Variants in MACROD2 observed in about 807,000 individuals in gnomAD.
The protein encoded by MACROD2 is ADP-ribose glycohydrolase MACROD2.
Under a neutral mutation model 70.4 loss-of-function variants are expected in MACROD2, and 36 were observed. That is an observed-to-expected ratio of 0.51 (90% CI 0.39 to 0.68). The LOEUF is 0.68. Among genes scored for constraint, MACROD2 ranks in the 30% least tolerant of loss-of-function variants. The pLI is 0.00. For synonymous variants in MACROD2, 172 were observed against 178.8 expected, an observed-to-expected ratio of 0.96 and a Z score of 0.30; for missense variants, 496 against 538.4, an observed-to-expected ratio of 0.92 and a Z score of 0.78.
intron 3 of MACROD2, among the ~76,000 whole-genome samples, chr20:14,192,802 G>C (rs943464315): frequency 6.6e-6 from 1 of 152,170 alleles, no homozygotes; most frequent in Non-Finnish European, 1.5e-5. Context: ...TTACTGGACT[G>C]GGAACTTGTG....
At chr20:14,666,727 A>G (rs1301955241) in intron 4 of MACROD2, among the ~76,000 whole-genome samples, 2 of 151,840 alleles carry the variant, frequency 1.3e-5, no homozygotes, top group African/African-American at 4.8e-5. Context: ...CTAGATACCA[A>G]TTACTAAAGT....
chr20:14,263,570 A>T (rs2082118259), intron 3 of MACROD2, among the ~76,000 whole-genome samples: 1 of 152,164 alleles, frequency 6.6e-6, no homozygotes, highest in African/African-American at 2.4e-5. Flanking sequence ...GTGCCATCTT[A>T]AGCAGAGCCA....
intron 6 of MACROD2, among the ~76,000 whole-genome samples, chr20:15,250,966 A>G (rs1162521862): frequency 6.6e-6 from 1 of 152,194 alleles, no homozygotes; most frequent in African/African-American, 2.4e-5. Context: ...TGAAAGCTTC[A>G]TGTTTGCATC....
At chr20:14,020,987 CTT>C (rs1163077387) in intron 2 of MACROD2, among the ~76,000 whole-genome samples, 5 of 111,538 alleles carry the variant, frequency 4.5e-5, no homozygotes, top group Non-Finnish European at 5.4e-5. Context: ...TTTGAATATT[CTT>C]TTTTTTTTTT....
At position 15,593,904 on chromosome 20, in the gene MACROD2, T is replaced by C. The variant is rs534846106; in HGVS notation, c.645+94057T>C. On this transcript the variant is annotated intron_variant, in intron 8 of 17. Transcript: ENST00000684519. ...GGAAGCCACTTATTGATGCTGTGTA[T>C]GGCTGGCCCTCCCTCGCCCCATGTA... Among the ~76,000 whole-genome samples, 120 of 152,352 alleles carry C rather than the reference T, an allele frequency of 7.9e-4. 3 individuals carry two copies. The South Asian group carries it at 0.023, about 29-fold the overall frequency.
chr20:14,121,548 T>C (rs2054589533), intron 3 of MACROD2, among the ~76,000 whole-genome samples: 1 of 152,238 alleles, frequency 6.6e-6, no homozygotes, highest in Non-Finnish European at 1.5e-5. Flanking sequence ...ATGGTTTCTA[T>C]TAAAATATTC....
chr20:14,304,174 TG>T (rs1260517318), intron 3 of MACROD2, among the ~76,000 whole-genome samples: 2 of 152,178 alleles, frequency 1.3e-5, no homozygotes, highest in Admixed American at 6.5e-5. Flanking sequence ...CTAATAGAAT[TG>T]ATGTCTAGAT....
intron 5 of MACROD2, among the ~76,000 whole-genome samples, chr20:14,940,390 T>C (rs2122705387): frequency 6.6e-6 from 1 of 152,218 alleles, no homozygotes; most frequent in African/African-American, 2.4e-5. Context: ...ATGTCTTTTA[T>C]TTCTTTATCT....
chr20:15,934,578 A>G (rs1042053914), intron 11 of MACROD2, among the ~76,000 whole-genome samples: 6 of 152,092 alleles, frequency 3.9e-5, no homozygotes, highest in South Asian at 2.1e-4. Context: ...GCTGACAAGT[A>G]TTAGTCAACA....
Position 14,255,222 on chromosome 20 carries a change from C to T in MACROD2, c.271+169494C>T, listed in dbSNP as rs182685471. ...AAATGCTCCAATTAAAAGACACAGA[C>T]TGGCAAATTGGATAAAGAGTCAAGA... On this transcript the variant is annotated intron_variant, in intron 3 of 17. Transcript: ENST00000684519. Among the ~76,000 whole-genome samples, 516 of 152,166 alleles carry T rather than the reference C, an allele frequency of 3.4e-3. 3 individuals are homozygous for T. Among genetic ancestry groups the T allele is most frequent in the African/African-American group, 0.012 (489 of 41,514 alleles).
chr20:14,327,494 C>A (rs758578414), intron 3 of MACROD2: 1 of 1,611,884 alleles, frequency 6.2e-7, no homozygotes, highest in South Asian at 1.1e-5. Flanking sequence ...ATGCTCCAGG[C>A]TGCGCTGATC....
At chr20:14,764,840 A>AT (rs886426668) in intron 5 of MACROD2, among the ~76,000 whole-genome samples, 4 of 151,736 alleles carry the variant, frequency 2.6e-5, no homozygotes, top group Non-Finnish European at 2.9e-5. Context: ...TTTGATATTT[A>AT]TTTTTTTTCT....
chr20:15,375,499 C>A (rs977457445), intron 6 of MACROD2, among the ~76,000 whole-genome samples: 2 of 151,938 alleles, frequency 1.3e-5, no homozygotes. Context: ...CTCGGTATGC[C>A]AAGATTCACC....
chr20:14,903,986 A>G (rs2073929060), intron 5 of MACROD2, among the ~76,000 whole-genome samples: 1 of 152,220 alleles, frequency 6.6e-6, no homozygotes, highest in Non-Finnish European at 1.5e-5. Flanking sequence ...TAGAAAGTAT[A>G]GTCCAACTGA....
At chr20:14,763,934 C>T (rs575544724) in intron 5 of MACROD2, among the ~76,000 whole-genome samples, 1 of 152,204 alleles carries the variant, frequency 6.6e-6, no homozygotes, top group South Asian at 2.1e-4. Context: ...AAGGGGTTCA[C>T]AAACCTCAGA....
intron 5 of MACROD2, among the ~76,000 whole-genome samples, chr20:15,045,703 T>C (rs1055512286): frequency 6.7e-6 from 1 of 149,966 alleles, no homozygotes; most frequent in Non-Finnish European, 1.5e-5. Flanking sequence ...CTCTGATAAT[T>C]TCTCTCCAGA....
intron 3 of MACROD2, among the ~76,000 whole-genome samples, chr20:14,178,465 T>C (rs2081281484): frequency 6.6e-6 from 1 of 152,158 alleles, no homozygotes; most frequent in Admixed American, 6.5e-5. Context: ...ACTTCTTTCA[T>C]ATGAGAAAGA....
In MACROD2 at chr20:14,215,747, A is replaced by G. The variant is rs938488107; in HGVS notation, c.271+130019A>G. 8.5e-5 allele frequency among the ~76,000 whole-genome samples: 13 copies of G among 152,088 alleles called. 1 individual carries two copies. Among genetic ancestry groups the G allele is most frequent in the African/African-American group, 3.1e-4 (13 of 41,484 alleles). ...CTATCGCATTGTGGTTTTGATTTGC[A>G]TTTCCCTGATCATTAGTGATGTTGA... On this transcript the variant is annotated intron_variant, in intron 3 of 17. Coordinates refer to ENST00000684519, the MANE Select transcript of MACROD2 (RefSeq NM_001351661.2).
At chr20:15,801,113 T>C (rs1304007867) in intron 8 of MACROD2, among the ~76,000 whole-genome samples, 1 of 149,166 alleles carries the variant, frequency 6.7e-6, no homozygotes, top group Non-Finnish European at 1.5e-5. Flanking sequence ...GTTTATCTGC[T>C]GACCTTCCCT....
Sources: allele counts gnomAD v4.1 joint callset (sites outside exome capture counted in the v4.1 genomes callset), GRCh38; gene constraint gnomAD v4.1.1; transcripts MANE v1.5; gene names NCBI Gene and HGNC (gene_info 2026-07-23, HGNC 2026-07-21).